The following KDM5B variants were observed in gnomAD, a reference collection of about 807,000 sequenced individuals.
The protein encoded by KDM5B is lysine demethylase 5B.
KDM5B carries 144 observed loss-of-function variants against 193.4 expected under a neutral mutation model. The observed-to-expected ratio is 0.74, with a 90% CI of 0.65 to 0.86. The LOEUF is 0.86. Ranked by LOEUF, KDM5B falls within the 40% of genes least tolerant of loss-of-function variation. The pLI is 0.00. For synonymous variants in KDM5B, 668 were observed against 682.6 expected (o/e 0.98, Z 0.33); for missense variants, 1,833 against 1,886.9 (o/e 0.97, Z 0.53).
At chr1:202,782,870 A>T (rs1657252787) in intron 1 of KDM5B, among the ~76,000 whole-genome samples, 1 of 152,218 alleles carries the variant, frequency 6.6e-6, no homozygotes, top group South Asian at 2.1e-4. Flanking sequence ...TTACTTTCAA[A>T]ACTTGAAAGT....
At chr1:202,746,408 T>TAA in intron 14 of KDM5B, 85 bp from the exon 15 acceptor site, 4 of 690,578 alleles carry the variant, frequency 5.8e-6, no homozygotes, top group South Asian at 4.6e-5. Flanking sequence ...TACTTGAGTC[T>TAA]GAAAAAAAAA....
chr1:202,757,302 C>T (rs920445861), intron 9 of KDM5B, among the ~76,000 whole-genome samples: 4 of 152,086 alleles, frequency 2.6e-5, no homozygotes, highest in African/African-American at 7.2e-5. Context: ...GGTCAATGGC[C>T]AGGTTGGGAA....
At chr1:202,758,552 A>T (rs1316834620) in intron 8 of KDM5B, 42 bp from the exon 9 acceptor site, 1 of 1,535,370 alleles carries the variant, frequency 6.5e-7, no homozygotes. Flanking sequence ...CACTGAAAAC[A>T]TCAAGTATAC....
chr1:202,779,651 A>T (rs1657112124), intron 1 of KDM5B, among the ~76,000 whole-genome samples: 2 of 151,274 alleles, frequency 1.3e-5, no homozygotes, highest in African/African-American at 2.4e-5. Context: ...AATACACAAA[A>T]AATTAGCCGG....
rs1303898850 is a variant in KDM5B at position 202,774,652 on chromosome 1, A to G, written c.366T>C (p.His122=). 1.9e-6 allele frequency: 3 copies of G among 1,612,790 alleles called. No individual in the cohort carries two copies. The highest frequency in any genetic ancestry group is 4.5e-5 in the East Asian group (2 of 44,854). Residue 122 remains histidine, a synonymous_variant, in exon 3 of 27, where the codon CAT becomes CAC. Transcript: ENST00000367265. ...ELQGSTLKIP[H]VERKILDLFQ... ...ATAAGTCCAAGATCTTCCTCTCCAC[A>G]TGTGGAATTTTCAGAGTACTTCCCT...
In KDM5B at chr1:202,752,930, T is replaced by C. The variant is rs1367779104; in HGVS notation, c.1676A>G (p.Asn559Ser). Reference sequence around the variant, plus strand: ...AGGCACTTCATGAGTCATCAGGGTATTGGGGTTCATGATGGTCACAAGCTG... The same window carrying C: ...AGGCACTTCATGAGTCATCAGGGTACTGGGGTTCATGATGGTCACAAGCTG... ...LHQLVTIMNPNTLMTHEVPVY... is the reference protein window; with the variant it reads ...LHQLVTIMNPSTLMTHEVPVY... The change falls in exon 12 of 27, where the codon AAT becomes AGT. Residue 559 changes from asparagine to serine, a missense_variant. By Grantham distance (46) the Asn-to-Ser change is conservative. Coordinates refer to ENST00000367265, the MANE Select transcript of KDM5B (RefSeq NM_006618.5). The C allele has an allele frequency of 1.9e-6, 3 of 1,614,146 alleles. No individual in the cohort carries two copies. The highest frequency in any genetic ancestry group is 1.1e-5 in the South Asian group (1 of 91,066).
At chr1:202,730,127 C>A in intron 25 of KDM5B, 100 bp from the exon 26 acceptor site, 2 of 1,037,374 alleles carry the variant, frequency 1.9e-6, no homozygotes, top group South Asian at 1.7e-5. Flanking sequence ...TCAGATGATC[C>A]CCCAATCTAC....
chr1:202,758,022 T>C (rs1040665352), intron 9 of KDM5B, among the ~76,000 whole-genome samples: 4 of 152,218 alleles, frequency 2.6e-5, no homozygotes, highest in Non-Finnish European at 4.4e-5. Context: ...CATAACAATA[T>C]ACAACAAATG....
Position 202,731,872 on chromosome 1 carries a change from A to G in KDM5B, c.3977T>C (p.Leu1326Ser). 1.9e-6 allele frequency: 3 copies of G among 1,613,792 alleles called. No homozygotes were observed. The highest frequency in any genetic ancestry group is 2.5e-6 in the Non-Finnish European group (3 of 1,179,858). ...TCGTCCAGTTGAGAAGGGGGAGTGC[A>G]AATATGAGGTTCTGTTGTCCCAGTC... is the stretch of plus-strand genomic sequence containing the variant. ...PDDWDNRTSY[L>S]HSPFSTGRSC... Residue 1326 changes from leucine (L) to serine (S), a missense_variant, in exon 24 of 27, where the codon TTG (leucine) becomes TCG (serine). Around this residue, in one of 3 missense-constraint regions of KDM5B, gnomAD observed 1,379 missense variants for 1,349.6 expected, o/e 1.02. Coordinates refer to ENST00000367265, the MANE Select transcript of KDM5B (RefSeq NM_006618.5).
chr1:202,742,231 A>C (rs757369868), intron 18 of KDM5B, among the ~76,000 whole-genome samples, 160 bp downstream of exon 18: 5 of 152,232 alleles, frequency 3.3e-5, no homozygotes, highest in South Asian at 2.1e-4. Flanking sequence ...ATCTACTATA[A>C]TCTCTTTATA....
chr1:202,793,719 T>A (rs1393689421), intron 1 of KDM5B, among the ~76,000 whole-genome samples: 3 of 152,176 alleles, frequency 2.0e-5, no homozygotes, highest in African/African-American at 7.2e-5. Flanking sequence ...AAAACCAAAT[T>A]ATCTTAGAAT....
At chr1:202,801,604 CAATTT>C (rs1348971673) in intron 1 of KDM5B, among the ~76,000 whole-genome samples, 2 of 138,350 alleles carry the variant, frequency 1.4e-5, no homozygotes, top group Non-Finnish European at 3.2e-5. Flanking sequence ...TGGAAGTGTA[CAATTT>C]AATTTTTCAT....
chr1:202,741,378 G>T lies in KDM5B; in HGVS notation c.2934C>A (p.Leu978=). 6.5e-7 allele frequency: 1 copy of T among 1,539,874 alleles called. No individual in the cohort carries two copies. The highest frequency in any genetic ancestry group is 8.7e-7 in the Non-Finnish European group (1 of 1,145,942). The part of the protein sequence containing the change: ...SEHWDDKAKS[L]LKARPRHSLN... ...GTCTGCTTTTTCACCTGGCCTTGAG[G>T]AGACTCTTGGCTTTGTCGTCCCAGT... Residue 978 remains leucine (L), a synonymous_variant, in exon 19 of 27, where the codon CTC becomes CTA. Transcript: ENST00000367265.
chr1:202,801,164 C>T (rs1186102812), intron 1 of KDM5B, among the ~76,000 whole-genome samples: 2 of 152,072 alleles, frequency 1.3e-5, no homozygotes, highest in African/African-American at 2.4e-5. Flanking sequence ...TTTGTGTATG[C>T]TTCACATTTT....
intron 2 of KDM5B, among the ~76,000 whole-genome samples, chr1:202,775,746 C>T (rs1313471536): frequency 6.8e-6 from 1 of 146,052 alleles, no homozygotes; most frequent in Non-Finnish European, 1.5e-5. Context: ...ATGCCAACTA[C>T]TCAGGAGGCC....
intron 15 of KDM5B, 64 bp downstream of exon 15, chr1:202,746,078 T>C: frequency 2.5e-6 from 4 of 1,577,282 alleles, no homozygotes; most frequent in Non-Finnish European, 3.5e-6. Flanking sequence ...AACTGCGGTA[T>C]CATTGAGCTT....
In KDM5B at chr1:202,735,577, G is replaced by C; in HGVS notation, c.3275C>G (p.Pro1092Arg). ...SPYSLLEVLC[P>R]RCDIGLLGLK... ...TCCCAAAAGGCCAATATCACATCGA[G>C]GACACAGCACCTAATGTGGGACAAG... The change falls in exon 22 of 27, where the codon CCT becomes CGT. Residue 1092 changes from proline (P) to arginine (R), a missense_variant. By Grantham distance (103) the Pro-to-Arg change is moderately radical (BLOSUM62 -2). Around this residue, in one of 3 missense-constraint regions of KDM5B, gnomAD observed 1,379 missense variants for 1,349.6 expected, o/e 1.02. Transcript: ENST00000367265. The C allele has an allele frequency of 6.2e-7, 1 of 1,613,534 alleles. No individual in the cohort carries two copies. Among genetic ancestry groups the C allele is most frequent in the Non-Finnish European group, 8.5e-7 (1 of 1,179,696 alleles).
In KDM5B at chr1:202,748,082, A is replaced by G. The variant is rs1014042935; in HGVS notation, c.2016+863T>C. Among the ~76,000 whole-genome samples, 15 of 152,318 alleles carry G rather than the reference A, an allele frequency of 9.8e-5. No homozygotes were observed. In the South Asian group the frequency reaches 1.0e-3, roughly 11 times the overall value. On this transcript the variant is annotated intron_variant, in intron 14 of 26. Coordinates refer to ENST00000367265, the MANE Select transcript of KDM5B (RefSeq NM_006618.5). The stretch of plus-strand genomic sequence containing the variant: ...TAGATGCATAGATCACCAGAACACA[A>G]GAGTCCAGAAATAGACCCATACTTA...
At chr1:202,807,496 G>C (rs1658348847) in intron 1 of KDM5B, among the ~76,000 whole-genome samples, 1 of 151,912 alleles carries the variant, frequency 6.6e-6, no homozygotes, top group South Asian at 2.1e-4. Flanking sequence ...GGAGGCCCGG[G>C]GACCAGGCGG....
Sources: allele counts gnomAD v4.1 joint callset (sites outside exome capture counted in the v4.1 genomes callset), GRCh38; gene constraint gnomAD v4.1.1; regional missense constraint gnomAD v4.1.1; transcripts MANE v1.5; gene names NCBI Gene and HGNC (gene_info 2026-07-23, HGNC 2026-07-21).